The following BRINP1 variants were observed in gnomAD, a reference collection of about 807,000 sequenced individuals.
BRINP1 encodes BMP/retinoic acid inducible neural specific 1.
In BRINP1, 17 loss-of-function variants were observed where a neutral mutation model predicts 72.9. That is an observed-to-expected ratio of 0.23 (90% CI 0.16 to 0.35). The LOEUF (loss-of-function observed/expected upper bound fraction) is 0.35. Ranked by LOEUF, BRINP1 falls within the 10% of genes least tolerant of loss-of-function variation. The probability of loss-of-function intolerance (pLI) is 1.00; values close to 1 mark genes in which losing one functional copy is unlikely to be tolerated. For missense variants in BRINP1, 850 were observed against 1,001.6 expected (o/e 0.85, Z 2.04); for synonymous variants, 418 against 378.5 (o/e 1.10, Z -1.21).
chr9:119,167,048 C>T lies in BRINP1; in HGVS notation c.*36G>A, dbSNP rs759761650. 1.3e-6 allele frequency: 2 copies of T among 1,552,012 alleles called. No homozygotes were observed. Among genetic ancestry groups the T allele is most frequent in the Admixed American group, 1.8e-5 (1 of 54,210 alleles). Reference sequence around the variant, plus strand: ...TTCATTTTGTTCTGTTGTGTGTGTACAACAACAGGAAAAGTCCATGGCAAG... The same window carrying T: ...TTCATTTTGTTCTGTTGTGTGTGTATAACAACAGGAAAAGTCCATGGCAAG... On this transcript the variant is annotated 3_prime_UTR_variant, in exon 8 of 8. Transcript: ENST00000265922. The surrounding 1 kb of genome is among the most constrained non-coding windows in gnomAD (Gnocchi z 4.3).
chr9:119,188,473 A>G (rs1048962150), intron 7 of BRINP1, among the ~76,000 whole-genome samples: 1 of 152,214 alleles, frequency 6.6e-6, no homozygotes, highest in African/African-American at 2.4e-5. Flanking sequence ...CTTAGAAAAA[A>G]TGTTTAGAGC....
rs780547528 is a variant in BRINP1, at chr9:119,249,139, C to A, written c.230G>T (p.Arg77Leu). Reference sequence around the variant, plus strand: ...GATGGCTGTGTTCCTCACCTTCCAACGGGCAAACTCCCTGGGCAGGAGAAA... The same window carrying A: ...GATGGCTGTGTTCCTCACCTTCCAAAGGGCAAACTCCCTGGGCAGGAGAAA... ...TRYKIYREFA[R>L]WKVRNTAIER... is the part of the protein sequence containing the mutation. The change falls in exon 3 of 8, where the codon CGT (arginine) becomes CTT (leucine). Residue 77 changes from arginine to leucine, a missense_variant. Arg to Leu is a moderately radical substitution (Grantham distance 102). Transcript: ENST00000265922. The A allele has an allele frequency of 6.2e-7, 1 of 1,613,106 alleles. No individual in the cohort carries two copies. The highest frequency in any genetic ancestry group is 8.5e-7 in the Non-Finnish European group (1 of 1,179,710).
chr9:119,367,133 C>T (rs1020772103), intron 1 of BRINP1, among the ~76,000 whole-genome samples: 1 of 150,654 alleles, frequency 6.6e-6, no homozygotes, highest in Non-Finnish European at 1.5e-5. Context: ...AGAACCCACC[C>T]ACTAGGGCAG....
intron 5 of BRINP1, among the ~76,000 whole-genome samples, chr9:119,230,386 C>T (rs1830135361): frequency 6.6e-6 from 1 of 152,112 alleles, no homozygotes; most frequent in African/African-American, 2.4e-5. Flanking sequence ...ACGCTGGCTG[C>T]TGTGAGTCAA....
At chr9:119,282,731 C>A in intron 2 of BRINP1, 2 of 927,878 alleles carry the variant, frequency 2.2e-6, no homozygotes, top group South Asian at 1.0e-4. Context: ...GACTGGGGAA[C>A]AAGAATGTTG....
chr9:119,240,820 C>A (rs1170114249), intron 4 of BRINP1, among the ~76,000 whole-genome samples: 1 of 152,144 alleles, frequency 6.6e-6, no homozygotes, highest in African/African-American at 2.4e-5. Context: ...GACCCCTTGG[C>A]CTTATCCTCA....
At chr9:119,187,850 A>C (rs973781328) in intron 7 of BRINP1, among the ~76,000 whole-genome samples, 2 of 152,236 alleles carry the variant, frequency 1.3e-5, no homozygotes, top group African/African-American at 2.4e-5. Flanking sequence ...GGAGAAATTC[A>C]ACAAAAAGAT....
chr9:119,168,226 T>TGGGAGATAAAGGAAAATTGGAGAAG lies in BRINP1; in HGVS notation c.1146-27_1146-3dup. 1.3e-6 allele frequency: 2 copies of TGGGAGATAAAGGAAAATTGGAGAAG among 1,499,000 alleles called. No individual in the cohort carries two copies. Among genetic ancestry groups the TGGGAGATAAAGGAAAATTGGAGAAG allele is most frequent in the Non-Finnish European group, 1.8e-6 (2 of 1,126,786 alleles). 92.9% of individuals were successfully genotyped at this position (1,499,000 alleles called of 1,614,324 possible). On this transcript the variant is annotated splice_polypyrimidine_tract_variant and splice_region_variant and intron_variant, in intron 7 of 7. Coordinates refer to ENST00000265922, the MANE Select transcript of BRINP1 (RefSeq NM_014618.3). ...CTTGCAAGCCACTGCTGAATTGTCCTGGGAGATAAAGGAAAATTGGAGAAG... is the reference window on the plus strand; with the variant it reads ...CTTGCAAGCCACTGCTGAATTGTCCTGGGAGATAAAGGAAAATTGGAGAAGGGGAGATAAAGGAAAATTGGAGAAG...
At chr9:119,305,505 G>T (rs191056562) in intron 2 of BRINP1, among the ~76,000 whole-genome samples, 1 of 152,150 alleles carries the variant, frequency 6.6e-6, no homozygotes, top group Non-Finnish European at 1.5e-5. Context: ...ACATGAAGAC[G>T]TATAGTTCCA....
intron 7 of BRINP1, among the ~76,000 whole-genome samples, chr9:119,198,711 G>A (rs1160834882): frequency 1.4e-5 from 2 of 144,800 alleles, no homozygotes; most frequent in Admixed American, 7.0e-5. Context: ...TTGCTCTATT[G>A]CCCAGGCTTG....
chr9:119,218,796 A>G (rs1279630615), intron 5 of BRINP1, among the ~76,000 whole-genome samples: 1 of 138,464 alleles, frequency 7.2e-6, no homozygotes, highest in African/African-American at 2.8e-5. Flanking sequence ...ATCTCCTTGT[A>G]TACTAACAAA....
chr9:119,250,904 C>A (rs1361877144), intron 2 of BRINP1, among the ~76,000 whole-genome samples: 1 of 152,078 alleles, frequency 6.6e-6, no homozygotes, highest in Non-Finnish European at 1.5e-5. Context: ...CTCTCTCCTG[C>A]CACAGGATGG....
At chr9:119,189,343 CTG>C (rs1829659209) in intron 7 of BRINP1, among the ~76,000 whole-genome samples, 1 of 152,030 alleles carries the variant, frequency 6.6e-6, no homozygotes, top group Admixed American at 6.6e-5. Flanking sequence ...ATGACATTAA[CTG>C]TAAATATCCA....
At chr9:119,263,158 G>A (rs75106978) in intron 2 of BRINP1, among the ~76,000 whole-genome samples, 17,119 of 152,174 alleles carry the variant, frequency 0.11, 1,303 homozygotes, top group Non-Finnish European at 0.17. Context: ...TTATTTTGAC[G>A]TGAGGTCAGC....
chr9:119,310,983 G>T (rs1181623123), intron 2 of BRINP1, among the ~76,000 whole-genome samples: 1 of 152,142 alleles, frequency 6.6e-6, no homozygotes, highest in African/African-American at 2.4e-5. Context: ...TATGACAAGA[G>T]TTCCGCCTAA....
At chr9:119,231,239 C>T (rs1830146826) in intron 5 of BRINP1, among the ~76,000 whole-genome samples, 2 of 152,024 alleles carry the variant, frequency 1.3e-5, no homozygotes, top group Non-Finnish European at 2.9e-5. Flanking sequence ...ATCACATGTA[C>T]AAATTGTACT....
At chr9:119,179,538 C>T (rs1220305459) in intron 7 of BRINP1, among the ~76,000 whole-genome samples, 2 of 152,170 alleles carry the variant, frequency 1.3e-5, no homozygotes, top group Non-Finnish European at 2.9e-5. Flanking sequence ...TAGGCCTGAA[C>T]ACAGAGACTT....
intron 2 of BRINP1, among the ~76,000 whole-genome samples, chr9:119,288,096 T>C (rs1449325980): frequency 6.6e-6 from 1 of 152,244 alleles, no homozygotes; most frequent in Non-Finnish European, 1.5e-5. Flanking sequence ...AGATATTATA[T>C]TACAGGATGG....
rs1176645305 is a variant in BRINP1, at chr9:119,283,688, A to G, written c.218+29450T>C. On this transcript the variant is annotated intron_variant, in intron 2 of 7. Transcript: ENST00000265922. Reference sequence around the variant, plus strand: ...GCTGGGATTACAGGCGTGGGCCACCACAACCGGCTAATTTTTGTATTTTTA... The same window carrying G: ...GCTGGGATTACAGGCGTGGGCCACCGCAACCGGCTAATTTTTGTATTTTTA... 4.6e-5 allele frequency among the ~76,000 whole-genome samples: 7 copies of G among 152,118 alleles called. No homozygotes were observed. The East Asian group carries it at 1.4e-3, about 29-fold the overall frequency.
Sources: allele counts gnomAD v4.1 joint callset (sites outside exome capture counted in the v4.1 genomes callset), GRCh38; gene constraint gnomAD v4.1.1; non-coding constraint Gnocchi (gnomAD v3.1); transcripts MANE v1.5; gene names NCBI Gene and HGNC (gene_info 2026-07-23, HGNC 2026-07-21).